SCN1A: variants seen among roughly 807,000 people sequenced by gnomAD.
SCN1A encodes sodium voltage-gated channel alpha subunit 1, also known as sodium channel protein type 1 subunit alpha.
In SCN1A, 13 loss-of-function variants were observed where a neutral mutation model predicts 193.7. That is an observed-to-expected ratio of 0.07 (90% CI 0.04 to 0.11). SCN1A has a LOEUF of 0.11. Among genes scored for constraint, SCN1A ranks in the 10% least tolerant of loss-of-function variants. The pLI, the probability that SCN1A is intolerant of heterozygous loss-of-function variation, is 1.00. For missense variants in SCN1A, 1,432 were observed against 2,451.1 expected (o/e 0.58, Z 8.78); for synonymous variants, 781 against 843.6 (o/e 0.93, Z 1.29).
chr2:166,041,841 T>C (rs1697228347), intron 15 of SCN1A, among the ~76,000 whole-genome samples: 1 of 152,188 alleles, frequency 6.6e-6, no homozygotes, highest in South Asian at 2.1e-4. Context: ...CCTCAGACTA[T>C]GAGAGCTAGA....
intron 1 of SCN1A, among the ~76,000 whole-genome samples, chr2:166,134,573 T>TC (rs1468586916): frequency 3.3e-5 from 5 of 152,166 alleles, no homozygotes; most frequent in Non-Finnish European, 5.9e-5. Flanking sequence ...CACAAAGTAC[T>TC]CAAGCCCAAG....
chr2:166,011,453 C>A (rs145558779), intron 22 of SCN1A, among the ~76,000 whole-genome samples: 1 of 151,044 alleles, frequency 6.6e-6, no homozygotes, highest in Admixed American at 6.6e-5. Flanking sequence ...CTATAAAGGG[C>A]TGTTTGGGCT....
intron 4 of SCN1A, among the ~76,000 whole-genome samples, chr2:166,072,325 TTTTTG>T (rs1366999995): frequency 2.6e-5 from 4 of 152,212 alleles, no homozygotes; most frequent in Non-Finnish European, 2.9e-5. Context: ...AATTTTATGC[TTTTTG>T]TTTTGGTTTG....
In SCN1A at chr2:165,988,255, C is replaced by A. The variant is rs1573928263; in HGVS notation, c.*2990G>T. On this transcript the variant is annotated 3_prime_UTR_variant, in exon 29 of 29. Transcript: ENST00000674923. ...TCTGCAAAAGTTAGCAAGATTAAGA[C>A]CCCAAGCTGAAGCAAGGCACATCTT... The A allele has an allele frequency of 6.6e-6, 1 of 152,042 alleles. No homozygotes were observed. The highest frequency in any genetic ancestry group is 2.4e-5 in the African/African-American group (1 of 41,398). 9.4% of individuals were successfully genotyped at this position (152,042 alleles called of 1,614,324 possible). A position where few individuals can be genotyped will look rare whatever the true frequency, so the allele number is the denominator to read the frequency against.
In SCN1A at chr2:166,012,226, A is replaced by G. The variant is rs1240187329; in HGVS notation, c.3762T>C (p.Tyr1254=). The change falls in exon 22 of 29, where the codon TAT becomes TAC. Residue 1254 remains tyrosine (Y), a synonymous_variant. Transcript: ENST00000674923. ...AAATGTAAGTGAAAACCTTGTCAGCATATTCCAACATCGTCTTAATCGTCT... is the reference window on the plus strand; with the variant it reads ...AAATGTAAGTGAAAACCTTGTCAGCGTATTCCAACATCGTCTTAATCGTCT... ...QRKTIKTMLE[Y]ADKVFTYIFI... The G allele has an allele frequency of 1.9e-6, 3 of 1,610,290 alleles. No individual in the cohort carries two copies. The highest frequency in any genetic ancestry group is 2.5e-6 in the Non-Finnish European group (3 of 1,177,404).
At position 166,036,288 on chromosome 2, in the gene SCN1A, G is replaced by A; in HGVS notation, c.3189C>T (p.Ser1063=). The change falls in exon 19 of 29, where the codon TCC becomes TCT. Residue 1063 remains serine, a synonymous_variant. Transcript: ENST00000674923. ...CTTTCCCAATTTCTGCTGTATGATT[G>A]GACATACAACTGTCTTTCTTGTTGT... The part of the protein sequence containing the change: ...DLNNKKDSCM[S]NHTAEIGKDL... The A allele has an allele frequency of 6.2e-7, 1 of 1,613,454 alleles. No homozygotes were observed. Among genetic ancestry groups the A allele is most frequent in the Non-Finnish European group, 8.5e-7 (1 of 1,179,562 alleles).
downstream of SCN1A, chr2:165,985,445 AGGAAAAGGGAAG>A (rs1688554782): frequency 6.6e-6 from 1 of 151,894 alleles, no homozygotes; most frequent in South Asian, 2.1e-4. Flanking sequence ...AGGGAAGGGA[AGGAAAAGGGAAG>A]GGAAAAGGGA....
At chr2:166,003,828 C>T (rs1174185763) in intron 23 of SCN1A, among the ~76,000 whole-genome samples, 2 of 151,232 alleles carry the variant, frequency 1.3e-5, no homozygotes. Flanking sequence ...CTTCTATTTG[C>T]CATTTGATGC....
chr2:166,029,313 G>A (rs970546600), intron 19 of SCN1A, among the ~76,000 whole-genome samples: 2 of 152,118 alleles, frequency 1.3e-5, no homozygotes, highest in South Asian at 2.1e-4. Flanking sequence ...GAGGAGACCC[G>A]TTTGGAGGCT....
At chr2:166,037,266 T>C (rs1574176522) in intron 18 of SCN1A, among the ~76,000 whole-genome samples, 1 of 152,194 alleles carries the variant, frequency 6.6e-6, no homozygotes, top group Non-Finnish European at 1.5e-5. Flanking sequence ...CCATATGACA[T>C]AGAGTGATTG....
intron 2 of SCN1A, among the ~76,000 whole-genome samples, chr2:166,093,851 T>G (rs1687089152): frequency 6.6e-6 from 1 of 152,216 alleles, no homozygotes; most frequent in Non-Finnish European, 1.5e-5. Context: ...TCAGACAGTT[T>G]GGAGGAAGTT....
At position 165,985,817 on chromosome 2, in the gene SCN1A, T is replaced by C. The variant is rs984707933; in HGVS notation, c.*5428A>G. ...AGTACTATCAGCAGTACCCAATTCA[T>C]GGTGGTTTAGAAACACATTTATTTT... On this transcript the variant is annotated 3_prime_UTR_variant, in exon 29 of 29. Transcript: ENST00000674923. The C allele has an allele frequency of 3.9e-5, 6 of 152,210 alleles. No individual in the cohort carries two copies. The highest frequency in any genetic ancestry group is 2.6e-4 in the Admixed American group (4 of 15,276). The allele number at this position is 152,210 out of a possible 1,614,324, so 9.4% of individuals were successfully genotyped here.
upstream of SCN1A, among the ~76,000 whole-genome samples, chr2:166,128,672 A>G (rs1409878355): frequency 6.6e-6 from 1 of 152,102 alleles, no homozygotes; most frequent in Non-Finnish European, 1.5e-5. Context: ...CCCACTCTCA[A>G]TTTCTATGGT....
downstream of SCN1A, chr2:165,984,747 G>C (rs981097760): frequency 5.3e-5 from 8 of 152,108 alleles, no homozygotes; most frequent in African/African-American, 1.9e-4. Flanking sequence ...ATTGAATATA[G>C]GAGATGTATT....
intron 19 of SCN1A, among the ~76,000 whole-genome samples, chr2:166,019,949 C>T (rs1302481283): frequency 1.4e-5 from 2 of 143,394 alleles, no homozygotes; most frequent in Non-Finnish European, 1.5e-5. Context: ...CTCGCTCTGT[C>T]GTCCACGCTG....
At chr2:166,063,542 A>G (rs1210555169) in intron 4 of SCN1A, among the ~76,000 whole-genome samples, 1 of 152,116 alleles carries the variant, frequency 6.6e-6, no homozygotes, top group African/African-American at 2.4e-5. Flanking sequence ...AAAGATACAT[A>G]GGTTATGACA....
chr2:166,061,484 A>G (rs1477749069), intron 4 of SCN1A, among the ~76,000 whole-genome samples: 1 of 152,144 alleles, frequency 6.6e-6, no homozygotes, highest in Non-Finnish European at 1.5e-5. Context: ...GGAGGAACAC[A>G]TTCTAGCTCT....
chr2:166,055,349 C>T (rs77012102), intron 6 of SCN1A, among the ~76,000 whole-genome samples: 81 of 151,984 alleles, frequency 5.3e-4, no homozygotes, highest in Non-Finnish European at 9.0e-4. Flanking sequence ...TTTAAATCTT[C>T]TACTCAGAAA....
chr2:165,994,460 CAT>C (rs1559111615), intron 27 of SCN1A, 44 bp from the exon 28 acceptor site: 1 of 1,577,850 alleles, frequency 6.3e-7, no homozygotes, highest in East Asian at 2.2e-5. Flanking sequence ...GGAGTTTTCT[CAT>C]GTGCATTAGC....
Sources: allele counts gnomAD v4.1 joint callset (sites outside exome capture counted in the v4.1 genomes callset), GRCh38; gene constraint gnomAD v4.1.1; transcripts MANE v1.5; gene names NCBI Gene and HGNC (gene_info 2026-07-23, HGNC 2026-07-21).